Variants in PLSCR4 observed in about 807,000 individuals in gnomAD.
PLSCR4 encodes the protein phospholipid scramblase 4.
Under a neutral mutation model 36.3 loss-of-function variants are expected in PLSCR4, and 25 were observed. The ratio of observed to expected loss-of-function variants is 0.69; its 90% CI spans 0.50 to 0.96. PLSCR4 has a LOEUF of 0.96. PLSCR4 is among the 40% of genes least tolerant of loss of function. PLSCR4 has a pLI of 0.00. For synonymous variants in PLSCR4, 122 were observed against 132.9 expected (o/e 0.92, Z 0.56); for missense variants, 408 against 414.7 (o/e 0.98, Z 0.14).
At chr3:146,198,842 A>G (rs553833195) in intron 6 of PLSCR4, among the ~76,000 whole-genome samples, 42 of 152,290 alleles carry the variant, frequency 2.8e-4, no homozygotes, top group African/African-American at 1.0e-3. Flanking sequence ...ATCAAGGATA[A>G]TAGGTATTCA....
At chr3:146,202,750 G>A (rs2034115659) in intron 4 of PLSCR4, among the ~76,000 whole-genome samples, 3 of 152,108 alleles carry the variant, frequency 2.0e-5, no homozygotes, top group African/African-American at 7.2e-5. Flanking sequence ...AACTGCCACT[G>A]CTTTATCAAT....
At position 146,194,469 on chromosome 3, in the gene PLSCR4, A is replaced by G. The variant is rs1010393147; in HGVS notation, c.946-14T>C. ...ATACATGAAGTCCTGAAATTGGAAAAAGAATTATATGTAGATATATAGATA... is the reference window on the plus strand; with the variant it reads ...ATACATGAAGTCCTGAAATTGGAAAGAGAATTATATGTAGATATATAGATA... On this transcript the variant is annotated splice_polypyrimidine_tract_variant and intron_variant, in intron 8 of 8. Transcript: ENST00000354952. 1 of 1,528,588 alleles carries G rather than the reference A, an allele frequency of 6.5e-7. No homozygotes were observed. Among genetic ancestry groups the G allele is most frequent in the Non-Finnish European group, 9.1e-7 (1 of 1,102,292 alleles). The allele number at this position is 1,528,588 out of a possible 1,614,324, so 94.7% of individuals were successfully genotyped here.
At chr3:146,196,286 A>G (rs2033737865) in intron 7 of PLSCR4, 1 of 238,348 alleles carries the variant, frequency 4.2e-6, no homozygotes, top group Non-Finnish European at 8.3e-6. Flanking sequence ...CTTAGAGCCT[A>G]TATTCCCAGC....
chr3:146,238,487 C>T (rs1185329995), intron 1 of PLSCR4, among the ~76,000 whole-genome samples: 2 of 150,790 alleles, frequency 1.3e-5, no homozygotes, highest in Admixed American at 1.3e-4. Context: ...GTTTATCAAA[C>T]AAAAAAAACC....
At chr3:146,221,926 T>C in intron 2 of PLSCR4, 139 bp downstream of exon 2, 1 of 421,224 alleles carries the variant, frequency 2.4e-6, no homozygotes, top group Non-Finnish European at 4.3e-6. Flanking sequence ...TACATATATA[T>C]ATGCAAACAC....
intron 3 of PLSCR4, among the ~76,000 whole-genome samples, chr3:146,212,018 C>G: frequency 6.6e-6 from 1 of 152,038 alleles, no homozygotes; most frequent in Non-Finnish European, 1.5e-5. Context: ...ATTGTTTAGG[C>G]TATTCTGAAT....
intron 3 of PLSCR4, among the ~76,000 whole-genome samples, chr3:146,212,635 A>G (rs1334788941): frequency 6.6e-6 from 1 of 151,574 alleles, no homozygotes; most frequent in Non-Finnish European, 1.5e-5. Context: ...GACTTTTTAC[A>G]TATATAGGCT....
Position 146,199,903 on chromosome 3 carries a change from G to A in PLSCR4, c.534C>T (p.Val178=), listed in dbSNP as rs1162633871. The A allele has an allele frequency of 8.7e-6, 14 of 1,613,430 alleles. No individual in the cohort carries two copies. The highest frequency in any genetic ancestry group is 1.2e-5 in the Non-Finnish European group (14 of 1,179,776). ...YRTLRPFVLR[V]TDCMGREIMT... ...TGATTTCTCGGCCCATACAATCAGT[G>A]ACCCGGAGGACGAAGGGCCTTAGTG... Residue 178 remains valine, a synonymous_variant, in exon 6 of 9, where the codon GTC becomes GTT. Coordinates refer to ENST00000354952, the MANE Select transcript of PLSCR4 (RefSeq NM_020353.3).
intron 1 of PLSCR4, among the ~76,000 whole-genome samples, chr3:146,228,158 T>C (rs2035556807): frequency 6.6e-6 from 1 of 152,170 alleles, no homozygotes; most frequent in Non-Finnish European, 1.5e-5. Context: ...ACTAAAACAA[T>C]TACATTTGTA....
chr3:146,193,653 C>G lies in PLSCR4; in HGVS notation c.*758G>C, dbSNP rs1013510103. ...GCTTCATATAATGACACCAATGTCT[C>G]TAAGTTGCTCAGAGATCTTGACTGG... On this transcript the variant is annotated 3_prime_UTR_variant, in exon 9 of 9. Transcript: ENST00000354952. 9 of 152,196 alleles carry G rather than the reference C, an allele frequency of 5.9e-5. No homozygotes were observed. The highest frequency in any genetic ancestry group is 2.2e-4 in the African/African-American group (9 of 41,446). The allele number at this position is 152,196 out of a possible 1,614,324, so 9.4% of individuals were successfully genotyped here.
chr3:146,234,636 A>G (rs982059316), intron 1 of PLSCR4, among the ~76,000 whole-genome samples: 3 of 151,884 alleles, frequency 2.0e-5, no homozygotes, highest in African/African-American at 7.3e-5. Flanking sequence ...ATAAAACCTC[A>G]TTTTTTTTCT....
chr3:146,243,960 C>T (rs76493544), intron 1 of PLSCR4, among the ~76,000 whole-genome samples: 2,579 of 152,182 alleles, frequency 0.017, 79 homozygotes, highest in African/African-American at 0.058. Flanking sequence ...GGTGGCTTTC[C>T]GACACAGGCA....
intron 3 of PLSCR4, among the ~76,000 whole-genome samples, chr3:146,214,096 G>C (rs561920163): frequency 6.6e-6 from 1 of 150,678 alleles, no homozygotes; most frequent in East Asian, 2.0e-4. Flanking sequence ...TGGAAAGTTT[G>C]ATTACTGATT....
At chr3:146,247,329 C>T (rs1685484743) in intron 1 of PLSCR4, among the ~76,000 whole-genome samples, 1 of 151,822 alleles carries the variant, frequency 6.6e-6, no homozygotes, top group South Asian at 2.1e-4. Flanking sequence ...AATTTAGACC[C>T]CAGACAAAAA....
chr3:146,245,210 G>C (rs2036291549), intron 1 of PLSCR4, among the ~76,000 whole-genome samples: 1 of 151,976 alleles, frequency 6.6e-6, no homozygotes, highest in South Asian at 2.1e-4. Context: ...CCATTTCCCA[G>C]ATGATTTTAA....
chr3:146,230,706 G>A (rs568414379), intron 1 of PLSCR4, among the ~76,000 whole-genome samples: 1 of 152,136 alleles, frequency 6.6e-6, no homozygotes, highest in Non-Finnish European at 1.5e-5. Flanking sequence ...AGGGACAGGA[G>A]GAAGAAAATT....
chr3:146,200,944 C>A, intron 5 of PLSCR4, 91 bp downstream of exon 5: 7 of 782,624 alleles, frequency 8.9e-6, no homozygotes, highest in East Asian at 2.9e-5. Context: ...GCCACTAAAA[C>A]ATGATCAATA....
At chr3:146,243,108 G>GA (rs979589950) in intron 1 of PLSCR4, among the ~76,000 whole-genome samples, 2 of 151,874 alleles carry the variant, frequency 1.3e-5, no homozygotes, top group African/African-American at 4.8e-5. Flanking sequence ...ACCATTTTCA[G>GA]AAAAAAAATT....
At chr3:146,196,581 G>A (rs1650430157) in intron 7 of PLSCR4, 51 bp downstream of exon 7, 1 of 1,556,766 alleles carries the variant, frequency 6.4e-7, no homozygotes, top group South Asian at 1.1e-5. Context: ...TCCATGGTCT[G>A]TTAATATGAG....
Sources: allele counts gnomAD v4.1 joint callset (sites outside exome capture counted in the v4.1 genomes callset), GRCh38; gene constraint gnomAD v4.1.1; transcripts MANE v1.5; gene names NCBI Gene and HGNC (gene_info 2026-07-23, HGNC 2026-07-21).